The following PRAG1 variants were observed in gnomAD, a reference collection of about 807,000 sequenced individuals.
The protein encoded by PRAG1 is inactive tyrosine-protein kinase PRAG1.
In PRAG1, 110 loss-of-function variants were observed where a neutral mutation model predicts 95.6. The observed-to-expected ratio is 1.15, with a 90% CI of 0.99 to 1.35. The LOEUF (loss-of-function observed/expected upper bound fraction) is 1.35. PRAG1 is among the 40% of genes most tolerant of loss of function. The pLI is 0.00. For missense variants in PRAG1, 2,554 were observed against 1,864.7 expected (o/e 1.37, Z -6.81); for synonymous variants, 1,052 against 819.4 (o/e 1.28, Z -4.85).
At chr8:8,347,793 C>T (rs1231848431) in intron 3 of PRAG1, among the ~76,000 whole-genome samples, 1 of 149,610 alleles carries the variant, frequency 6.7e-6, no homozygotes, top group Non-Finnish European at 1.5e-5. Context: ...TATCAAGCTC[C>T]TCTAGTGAGA....
chr8:8,339,193 T>G (rs1799088473), intron 4 of PRAG1, among the ~76,000 whole-genome samples: 2 of 152,222 alleles, frequency 1.3e-5, no homozygotes, highest in Non-Finnish European at 2.9e-5. Context: ...TGTACACAGA[T>G]GGCTCATTAC....
chr8:8,365,852 C>T (rs542602635), intron 3 of PRAG1, among the ~76,000 whole-genome samples: 1 of 148,772 alleles, frequency 6.7e-6, no homozygotes, highest in East Asian at 2.0e-4. Context: ...TGGTGGTATG[C>T]CCCTGTAATC....
At chr8:8,328,662 G>C (rs186821249) in intron 4 of PRAG1, among the ~76,000 whole-genome samples, 33 of 152,308 alleles carry the variant, frequency 2.2e-4, no homozygotes, top group African/African-American at 7.7e-4. Flanking sequence ...TGACAACTAA[G>C]TCTTCCTCCT....
chr8:8,344,943 G>T (rs1799283484), intron 3 of PRAG1, among the ~76,000 whole-genome samples: 2 of 152,092 alleles, frequency 1.3e-5, no homozygotes, highest in Admixed American at 1.3e-4. Context: ...TAATTCTTCT[G>T]TCTATAGTTA....
rs746498685 is a variant in PRAG1 at position 8,318,758 on chromosome 8, T to C, written c.3617A>G (p.Glu1206Gly). 1.9e-6 allele frequency: 3 copies of C among 1,586,010 alleles called. No homozygotes were observed. The highest frequency in any genetic ancestry group is 2.6e-6 in the Non-Finnish European group (3 of 1,165,680). Residue 1206 changes from glutamate to glycine, a missense_variant, in exon 6 of 6, where the codon GAG becomes GGG. Transcript: ENST00000615670. The surrounding 1 kb of genome is among the most constrained non-coding windows in gnomAD (Gnocchi z 4.2). Reference sequence around the variant, plus strand: ...GATGATGAGCCGGGGCAGCTGCTTCTCCCGGGGCCCTTCCGGGGAGGCGGG... The same window carrying C: ...GATGATGAGCCGGGGCAGCTGCTTCCCCCGGGGCCCTTCCGGGGAGGCGGG... ...AGPASPEGPREKQLPRLIISN... is the reference protein window; with the variant it reads ...AGPASPEGPRGKQLPRLIISN...
At chr8:8,376,202 C>G in intron 3 of PRAG1, 45 bp downstream of exon 3, 3 of 1,579,324 alleles carry the variant, frequency 1.9e-6, no homozygotes, top group Non-Finnish European at 2.6e-6. Context: ...TCTGGAAGAG[C>G]CCTTTGCCCT....
chr8:8,378,154 G>A (rs1800498893), intron 2 of PRAG1, 76 bp from the exon 3 acceptor site: 4 of 1,476,980 alleles, frequency 2.7e-6, no homozygotes, highest in Admixed American at 2.3e-5. Flanking sequence ...AAAGTGAGAG[G>A]GAAGGGCAAC....
intron 3 of PRAG1, among the ~76,000 whole-genome samples, chr8:8,373,489 G>T (rs1166915381): frequency 1.4e-5 from 2 of 142,734 alleles, no homozygotes; most frequent in Non-Finnish European, 1.5e-5. Context: ...TTGCTCTGTT[G>T]CTCAGGCAGG....
chr8:8,359,768 T>A (rs1348896046), intron 3 of PRAG1, among the ~76,000 whole-genome samples: 1 of 152,230 alleles, frequency 6.6e-6, no homozygotes, highest in Non-Finnish European at 1.5e-5. Context: ...CATCTGGATG[T>A]ATGTATTTTT....
In PRAG1 at chr8:8,377,361, C is replaced by T. The variant is rs587678461; in HGVS notation, c.1048G>A (p.Gly350Ser). ...ACGAAGGGGCTACTGGCGCCGCTGCCGCTGCCGCTGCCGCTGCCACAAGAG... is the reference window on the plus strand; with the variant it reads ...ACGAAGGGGCTACTGGCGCCGCTGCTGCTGCCGCTGCCGCTGCCACAAGAG... ...GLSCGSGSGS[G>S]SGASSPFVPH... Residue 350 changes from glycine (G) to serine (S), a missense_variant, in exon 3 of 6, where the codon GGC (glycine) becomes AGC (serine). Physicochemically the swap from Gly to Ser is moderately conservative, Grantham distance 56. Transcript: ENST00000615670. 17 of 1,578,314 alleles carry T rather than the reference C, an allele frequency of 1.1e-5. No individual in the cohort carries two copies. The highest frequency in any genetic ancestry group is 4.1e-5 in the African/African-American group (3 of 73,240).
In PRAG1 at chr8:8,318,542, C is replaced by T. The variant is rs968015526; in HGVS notation, c.3833G>A (p.Arg1278Gln). ...GTCCTCCTGCCGGTAGTCTCTCTCCCGCAGCTGGGCGCGCACCTCGAACGG... is the reference window on the plus strand; with the variant it reads ...GTCCTCCTGCCGGTAGTCTCTCTCCTGCAGCTGGGCGCGCACCTCGAACGG... ...PNPFEVRAQL[R>Q]ERDYRQEDLP... The change falls in exon 6 of 6, where the codon CGG becomes CAG. Residue 1278 changes from arginine (R) to glutamine (Q), a missense_variant. Coordinates refer to ENST00000615670, the MANE Select transcript of PRAG1 (RefSeq NM_001080826.3). The surrounding 1 kb of genome is among the most constrained non-coding windows in gnomAD (Gnocchi z 4.2). The T allele has an allele frequency of 3.2e-5, 51 of 1,613,364 alleles. No homozygotes were observed. Among genetic ancestry groups the T allele is most frequent in the Non-Finnish European group, 4.1e-5 (48 of 1,179,944 alleles).
intron 1 of PRAG1, among the ~76,000 whole-genome samples, chr8:8,384,200 T>C (rs1800774254): frequency 6.6e-6 from 1 of 152,104 alleles, no homozygotes. Context: ...TGGCGACTTA[T>C]TGCCTCCTCA....
chr8:8,385,743 G>C (rs1410136163), intron 1 of PRAG1, among the ~76,000 whole-genome samples: 1 of 152,120 alleles, frequency 6.6e-6, no homozygotes, highest in Non-Finnish European at 1.5e-5. Context: ...TATGTTCTAA[G>C]TGTGTGTGTC....
chr8:8,344,956 A>G (rs779285958), intron 3 of PRAG1, among the ~76,000 whole-genome samples: 1 of 152,130 alleles, frequency 6.6e-6, no homozygotes, highest in East Asian at 1.9e-4. Context: ...TATAGTTACT[A>G]TAGCAGAAGT....
chr8:8,344,268 C>T (rs1799263668), intron 3 of PRAG1, among the ~76,000 whole-genome samples: 1 of 152,044 alleles, frequency 6.6e-6, no homozygotes, highest in African/African-American at 2.4e-5. Context: ...GTGGTATAGT[C>T]TTTTGGTGGG....
At position 8,366,529 on chromosome 8, in the gene PRAG1, G is replaced by T. The variant is rs186157762; in HGVS notation, c.2162+9718C>A. 7.5e-4 allele frequency among the ~76,000 whole-genome samples: 114 copies of T among 152,164 alleles called. 1 individual carries two copies. The Middle Eastern group carries it at 0.024, about 32-fold the overall frequency. ...GGGTTTGACCATGTTGGCCAGGCTG[G>T]TCTTGAACTCCTGACCTCAGATGAT... On this transcript the variant is annotated intron_variant, in intron 3 of 5. Transcript: ENST00000615670.
At chr8:8,346,616 C>T (rs975058109) in intron 3 of PRAG1, among the ~76,000 whole-genome samples, 3 of 152,198 alleles carry the variant, frequency 2.0e-5, no homozygotes, top group Admixed American at 6.5e-5. Flanking sequence ...CTTCCTCATT[C>T]GTAGGAACAA....
intron 3 of PRAG1, among the ~76,000 whole-genome samples, chr8:8,370,752 T>A (rs927600068): frequency 3.9e-5 from 6 of 152,148 alleles, no homozygotes; most frequent in Non-Finnish European, 7.3e-5. Flanking sequence ...GTCATGTCAG[T>A]TCCTCTGGTT....
At chr8:8,357,775 T>C (rs1358236706) in intron 3 of PRAG1, among the ~76,000 whole-genome samples, 1 of 152,188 alleles carries the variant, frequency 6.6e-6, no homozygotes, top group Non-Finnish European at 1.5e-5. Flanking sequence ...GTAGCCAAAA[T>C]GTAGAAGCAA....
Sources: allele counts gnomAD v4.1 joint callset (sites outside exome capture counted in the v4.1 genomes callset), GRCh38; gene constraint gnomAD v4.1.1; non-coding constraint Gnocchi (gnomAD v3.1); transcripts MANE v1.5; gene names NCBI Gene and HGNC (gene_info 2026-07-23, HGNC 2026-07-21).